The following ZZZ3 variants were observed in gnomAD, a reference collection of about 807,000 sequenced individuals.
ZZZ3 encodes ZZ-type zinc finger-containing protein 3.
In ZZZ3, 22 loss-of-function variants were observed where a neutral mutation model predicts 95.2. The observed-to-expected ratio is 0.23, with a 90% CI of 0.17 to 0.33. The LOEUF (loss-of-function observed/expected upper bound fraction) is 0.33. Ranked by LOEUF, ZZZ3 falls within the 10% of genes least tolerant of loss-of-function variation. The probability of loss-of-function intolerance (pLI) is 1.00; values close to 1 mark genes in which losing one functional copy is unlikely to be tolerated. For synonymous variants in ZZZ3, 335 were observed against 358.9 expected, an observed-to-expected ratio of 0.93 and a Z score of 0.75; for missense variants, 885 against 1,066.5, an observed-to-expected ratio of 0.83 and a Z score of 2.37.
At chr1:77,640,675 A>C (rs1165108149) in intron 3 of ZZZ3, among the ~76,000 whole-genome samples, 1 of 152,108 alleles carries the variant, frequency 6.6e-6, no homozygotes, top group African/African-American at 2.4e-5. Flanking sequence ...AAAACAAGGA[A>C]GAGGACTAAG....
At chr1:77,612,415 T>C (rs1412560737) in intron 5 of ZZZ3, among the ~76,000 whole-genome samples, 1 of 151,962 alleles carries the variant, frequency 6.6e-6, no homozygotes, top group Non-Finnish European at 1.5e-5. Flanking sequence ...AGAACTACCA[T>C]ATGACATAGC....
intron 1 of ZZZ3, among the ~76,000 whole-genome samples, chr1:77,677,659 T>C (rs957741275): frequency 1.3e-5 from 2 of 152,164 alleles, no homozygotes; most frequent in Non-Finnish European, 2.9e-5. Flanking sequence ...ACAAGAAACA[T>C]GTATAAATAT....
chr1:77,674,327 A>G (rs564006366), intron 1 of ZZZ3, among the ~76,000 whole-genome samples: 70 of 152,354 alleles, frequency 4.6e-4, no homozygotes, highest in Non-Finnish European at 6.5e-4. Context: ...TCTCACAAAC[A>G]TAACATTGAG....
chr1:77,676,880 G>A (rs1453677096), intron 1 of ZZZ3: 1 of 152,100 alleles, frequency 6.6e-6, no homozygotes, highest in Non-Finnish European at 1.5e-5. Flanking sequence ...TACCAATTTG[G>A]AGGAAAACAT....
chr1:77,594,887 A>C lies in ZZZ3; in HGVS notation c.1506-10232T>G, dbSNP rs7546474. Among the ~76,000 whole-genome samples, 127 of 150,344 alleles carry C rather than the reference A, an allele frequency of 8.4e-4. 1 individual carries two copies. Among genetic ancestry groups the C allele is most frequent in the Admixed American group, 7.6e-3 (114 of 15,080 alleles). On this transcript the variant is annotated intron_variant, in intron 5 of 14. Coordinates refer to ENST00000370801, the MANE Select transcript of ZZZ3 (RefSeq NM_015534.6). ...CATTGAATTACAAAACAACCAGATA[A>C]GTATAGGATGGTATGAACTTGCCTT...
intron 5 of ZZZ3, among the ~76,000 whole-genome samples, chr1:77,610,269 A>G (rs888912519): frequency 4.6e-5 from 7 of 151,984 alleles, no homozygotes; most frequent in Non-Finnish European, 7.4e-5. Flanking sequence ...AAGCCATGAA[A>G]AAATCCAAAA....
intron 1 of ZZZ3, among the ~76,000 whole-genome samples, chr1:77,674,987 C>T (rs1258330389): frequency 1.4e-5 from 2 of 146,096 alleles, no homozygotes; most frequent in Non-Finnish European, 3.0e-5. Flanking sequence ...ACTGCAAAAA[C>T]ACCATAAAAA....
Position 77,626,465 on chromosome 1 carries a change from T to C in ZZZ3, c.1505+5385A>G, listed in dbSNP as rs1667346034. On this transcript the variant is annotated intron_variant, in intron 5 of 14. Transcript: ENST00000370801. ...GGGGGTGATAAGAGACAGTGACAGA[T>C]CATCAGGCATTAGATTCTCATAAGG... 2.0e-5 allele frequency among the ~76,000 whole-genome samples: 3 copies of C among 152,104 alleles called. No individual in the cohort carries two copies. The South Asian group carries it at 6.2e-4, about 32-fold the overall frequency.
At chr1:77,592,490 C>T (rs1317391344) in intron 5 of ZZZ3, among the ~76,000 whole-genome samples, 8 of 152,106 alleles carry the variant, frequency 5.3e-5, no homozygotes, top group East Asian at 3.9e-4. Flanking sequence ...TTAGTAGAGA[C>T]GGGGTTTCAC....
At chr1:77,570,685 T>G (rs187231541) in intron 12 of ZZZ3, among the ~76,000 whole-genome samples, 1 of 151,150 alleles carries the variant, frequency 6.6e-6, no homozygotes, top group East Asian at 1.9e-4. Context: ...ATTATTTTTT[T>G]GAGAGAGGGT....
intron 1 of ZZZ3, among the ~76,000 whole-genome samples, chr1:77,646,181 TA>T (rs1230392746): frequency 2.0e-5 from 3 of 152,114 alleles, no homozygotes; most frequent in Admixed American, 6.6e-5. Context: ...TGATTTGAAC[TA>T]ACCCAAATGC....
chr1:77,670,065 T>A (rs1671610846), intron 1 of ZZZ3, among the ~76,000 whole-genome samples: 2 of 117,398 alleles, frequency 1.7e-5, no homozygotes, highest in Admixed American at 1.6e-4. Context: ...ATATAATAAA[T>A]ATTGTGACCC....
intron 5 of ZZZ3, among the ~76,000 whole-genome samples, chr1:77,606,783 C>CTT (rs1277603650): frequency 6.6e-6 from 1 of 152,200 alleles, no homozygotes; most frequent in African/African-American, 2.4e-5. Flanking sequence ...GGGATGCCCT[C>CTT]TAATACAGAT....
At chr1:77,675,508 A>G (rs1277954277) in intron 1 of ZZZ3, among the ~76,000 whole-genome samples, 1 of 152,224 alleles carries the variant, frequency 6.6e-6, no homozygotes, top group East Asian at 1.9e-4. Flanking sequence ...ATCCCTTTAA[A>G]TCTCACCATA....
rs1373067775 is a variant in ZZZ3, at chr1:77,578,798, T to C, written c.2154A>G (p.Pro718=). ...CCTTTTTGGAGTATATATATAAGTT[T>C]GGTGTTCTGCCTGGTACTGGAATGC... ...KAGIPVPGRT[P]NLYIYSKKSS... Residue 718 remains proline, a synonymous_variant, in exon 11 of 15, where the codon CCA becomes CCG. Coordinates refer to ENST00000370801, the MANE Select transcript of ZZZ3 (RefSeq NM_015534.6). 16 of 1,560,068 alleles carry C rather than the reference T, an allele frequency of 1.0e-5. No individual in the cohort carries two copies. Among genetic ancestry groups the C allele is most frequent in the Non-Finnish European group, 1.4e-5 (16 of 1,157,526 alleles).
At chr1:77,637,289 T>TA (rs765880822) in intron 4 of ZZZ3, among the ~76,000 whole-genome samples, 31 of 152,258 alleles carry the variant, frequency 2.0e-4, no homozygotes, top group East Asian at 1.2e-3. Context: ...TGGAAGACTA[T>TA]AAAAAATCTT....
At chr1:77,603,615 G>A (rs1664953120) in intron 5 of ZZZ3, among the ~76,000 whole-genome samples, 1 of 152,034 alleles carries the variant, frequency 6.6e-6, no homozygotes, top group South Asian at 2.1e-4. Flanking sequence ...AAACATCCGG[G>A]TGCCCATTTC....
intron 1 of ZZZ3, among the ~76,000 whole-genome samples, chr1:77,643,636 T>G (rs1335279926): frequency 6.6e-6 from 1 of 152,216 alleles, no homozygotes; most frequent in Non-Finnish European, 1.5e-5. Context: ...AAGAATTACT[T>G]TTCCTACTTC....
chr1:77,580,768 T>A, intron 9 of ZZZ3: 1 of 349,440 alleles, frequency 2.9e-6, no homozygotes, highest in Non-Finnish European at 5.3e-6. Flanking sequence ...TAGCTGGGAT[T>A]ATATATGCAC....
Sources: gnomAD v4.1 joint callset for allele counts (sites outside exome capture counted in the v4.1 genomes callset) on GRCh38, gnomAD v4.1.1 for gene constraint, MANE v1.5 for transcripts, NCBI Gene and HGNC (gene_info 2026-07-23, HGNC 2026-07-21) for gene names.